Variants in TP63 observed in about 807,000 individuals in gnomAD.
TP63 encodes the protein tumor protein p63.
TP63 carries 17 observed loss-of-function variants against 82.8 expected under a neutral mutation model. The observed-to-expected ratio is 0.21, with a 90% CI of 0.14 to 0.31. The LOEUF is 0.31. Among genes scored for constraint, TP63 ranks in the 10% least tolerant of loss-of-function variants. The pLI is 1.00. For missense variants in TP63, 648 were observed against 895.3 expected, an observed-to-expected ratio of 0.72 and a Z score of 3.52; for synonymous variants, 330 against 321.7, an observed-to-expected ratio of 1.03 and a Z score of -0.28.
intron 4 of TP63, among the ~76,000 whole-genome samples, chr3:189,848,603 A>T (rs945672898): frequency 2.0e-5 from 3 of 152,202 alleles, no homozygotes; most frequent in African/African-American, 7.2e-5. Flanking sequence ...TAATAGAAAC[A>T]TAGAACCAAG....
At chr3:189,715,772 G>A (rs773519010) in intron 1 of TP63, among the ~76,000 whole-genome samples, 2 of 152,282 alleles carry the variant, frequency 1.3e-5, no homozygotes, top group Middle Eastern at 3.4e-3. Flanking sequence ...TCTGTGCACT[G>A]ATTTGGTCTG....
chr3:189,628,832 G>T (rs1350601972), upstream of TP63, among the ~76,000 whole-genome samples: 1 of 152,038 alleles, frequency 6.6e-6, no homozygotes, highest in Non-Finnish European at 1.5e-5. Context: ...ATCGTGTATG[G>T]TTGCATGCTA....
the TP63 span, among the ~76,000 whole-genome samples, chr3:189,612,762 G>A: frequency 0.68 from 104,121 of 152,044 alleles, 37,602 homozygotes; most frequent in Non-Finnish European, 0.81. Flanking sequence ...TAAAGTCCAC[G>A]CTGAGGTGGT....
chr3:189,655,034 G>A (rs1432153807), intron 1 of TP63, among the ~76,000 whole-genome samples: 1 of 152,136 alleles, frequency 6.6e-6, no homozygotes, highest in Non-Finnish European at 1.5e-5. Flanking sequence ...TTGATCATCG[G>A]TTAGAAAGAA....
At chr3:189,760,598 T>C (rs1262103533) in intron 3 of TP63, among the ~76,000 whole-genome samples, 1 of 152,190 alleles carries the variant, frequency 6.6e-6, no homozygotes, top group Non-Finnish European at 1.5e-5. Context: ...GCTGCCTTCA[T>C]GGGCTGGTGT....
chr3:189,833,557 A>G (rs992510757), intron 4 of TP63, among the ~76,000 whole-genome samples: 10 of 152,182 alleles, frequency 6.6e-5, no homozygotes, highest in African/African-American at 2.4e-4. Flanking sequence ...AGACCTACCA[A>G]TCTGTCCACG....
At chr3:189,874,462 A>G (rs540463117) in intron 10 of TP63, among the ~76,000 whole-genome samples, 2 of 152,324 alleles carry the variant, frequency 1.3e-5, no homozygotes, top group East Asian at 3.9e-4. Context: ...AGTAGACGGC[A>G]GGGAGAAAAG....
At chr3:189,861,744 G>A (rs1448572687) in intron 4 of TP63, among the ~76,000 whole-genome samples, 1 of 152,166 alleles carries the variant, frequency 6.6e-6, no homozygotes, top group East Asian at 1.9e-4. Flanking sequence ...ATTCAGAAAA[G>A]AACCACAATG....
At chr3:189,874,051 G>A (rs1489562026) in intron 10 of TP63, among the ~76,000 whole-genome samples, 1 of 152,140 alleles carries the variant, frequency 6.6e-6, no homozygotes, top group Non-Finnish European at 1.5e-5. Flanking sequence ...GTCAGCTGTG[G>A]AAAGTGTAAT....
At chr3:189,740,973 A>G (rs1720938539) in intron 3 of TP63, among the ~76,000 whole-genome samples, 2 of 152,088 alleles carry the variant, frequency 1.3e-5, no homozygotes, top group Non-Finnish European at 2.9e-5. Flanking sequence ...TTTTTCTCTA[A>G]AGTAGAACAG....
chr3:189,747,972 C>G (rs148273639), intron 3 of TP63, among the ~76,000 whole-genome samples: 14 of 152,120 alleles, frequency 9.2e-5, no homozygotes, highest in African/African-American at 3.1e-4. Context: ...TGACACGTTC[C>G]TGGACATATT....
chr3:189,772,494 C>G (rs1045531575), intron 3 of TP63, among the ~76,000 whole-genome samples: 1 of 152,154 alleles, frequency 6.6e-6, no homozygotes, highest in Non-Finnish European at 1.5e-5. Context: ...TTGAGACTAG[C>G]AAACTTTTTT....
chr3:189,742,241 C>T (rs1203654438), intron 3 of TP63, among the ~76,000 whole-genome samples: 1 of 86,288 alleles, frequency 1.2e-5, no homozygotes, highest in African/African-American at 5.3e-5. Context: ...AAAACTCCAT[C>T]CCAAAAAAAA....
the TP63 span, among the ~76,000 whole-genome samples, chr3:189,601,570 C>T: frequency 8.0e-6 from 1 of 125,004 alleles, no homozygotes; most frequent in Non-Finnish European, 1.8e-5. Flanking sequence ...TCCTCATTTT[C>T]TTGGATTACT....
At chr3:189,815,004 A>G (rs200293468) in intron 4 of TP63, among the ~76,000 whole-genome samples, 2 of 36,770 alleles carry the variant, frequency 5.4e-5, no homozygotes, top group South Asian at 2.3e-3. Flanking sequence ...TCCTACTACA[A>G]AGAGTAACAG....
chr3:189,807,557 G>A (rs1727046138), intron 3 of TP63, among the ~76,000 whole-genome samples: 1 of 152,090 alleles, frequency 6.6e-6, no homozygotes, highest in African/African-American at 2.4e-5. Context: ...TCTTACAAAT[G>A]TTCTACTCTA....
At chr3:189,782,684 T>G (rs16864793) in intron 3 of TP63, among the ~76,000 whole-genome samples, 18,722 of 152,078 alleles carry the variant, frequency 0.12, 1,247 homozygotes, top group East Asian at 0.32. Flanking sequence ...GAGATGAAAG[T>G]TCAAAGAAAC....
chr3:189,656,645 A>G (rs1361087418), intron 1 of TP63, among the ~76,000 whole-genome samples: 1 of 152,142 alleles, frequency 6.6e-6, no homozygotes, highest in African/African-American at 2.4e-5. Context: ...AAGGACAGAG[A>G]TATTTTAAGG....
chr3:189,787,830 A>G (rs1231486879), intron 3 of TP63, among the ~76,000 whole-genome samples: 1 of 152,020 alleles, frequency 6.6e-6, no homozygotes, highest in East Asian at 1.9e-4. Flanking sequence ...ACCGCCTAGC[A>G]GGCTGTATAA....
Sources: gnomAD v4.1 joint callset for allele counts (sites outside exome capture counted in the v4.1 genomes callset) on GRCh38, gnomAD v4.1.1 for gene constraint, MANE v1.5 for transcripts, NCBI Gene and HGNC (gene_info 2026-07-23, HGNC 2026-07-21) for gene names.